Variants in ANO10 observed in about 807,000 individuals in gnomAD.
ANO10 encodes the protein anoctamin-10.
Under a neutral mutation model 74.7 loss-of-function variants are expected in ANO10, and 77 were observed. That is an observed-to-expected ratio of 1.03 (90% CI 0.86 to 1.25). ANO10 has a LOEUF of 1.25. Ranked by LOEUF, ANO10 falls within the 50% of genes most tolerant of loss-of-function variation. The pLI is 0.00. For missense variants in ANO10, 721 were observed against 778.1 expected (o/e 0.93, Z 0.87); for synonymous variants, 279 against 284.9 (o/e 0.98, Z 0.21).
At chr3:43,417,879 A>G (rs1410867368) in intron 12 of ANO10, among the ~76,000 whole-genome samples, 19 of 152,214 alleles carry the variant, frequency 1.2e-4, no homozygotes, top group Admixed American at 1.0e-3. Flanking sequence ...CTCTAAGCTT[A>G]TAGTCTATGG....
At chr3:43,516,045 C>A (rs1041751334) in intron 11 of ANO10, among the ~76,000 whole-genome samples, 2 of 152,146 alleles carry the variant, frequency 1.3e-5, no homozygotes, top group African/African-American at 4.8e-5. Flanking sequence ...TAGATCACGA[C>A]CTTACATTAG....
intron 11 of ANO10, among the ~76,000 whole-genome samples, chr3:43,476,318 T>C (rs2076064225): frequency 6.6e-6 from 1 of 152,252 alleles, no homozygotes; most frequent in South Asian, 2.1e-4. Flanking sequence ...GTGATATCCA[T>C]GTACCCATTC....
At chr3:43,629,350 A>T (rs1009649643) in intron 1 of ANO10, among the ~76,000 whole-genome samples, 1 of 152,208 alleles carries the variant, frequency 6.6e-6, no homozygotes, top group Admixed American at 6.5e-5. Flanking sequence ...ATTTTATTAC[A>T]TGCCTTTTCA....
At chr3:43,453,961 T>A (rs1163735006) in intron 11 of ANO10, among the ~76,000 whole-genome samples, 2 of 152,222 alleles carry the variant, frequency 1.3e-5, no homozygotes, top group African/African-American at 4.8e-5. Context: ...GGAGCTTACC[T>A]TTTTAGAGAA....
chr3:43,601,717 T>G (rs191703946), intron 2 of ANO10, among the ~76,000 whole-genome samples: 1 of 152,226 alleles, frequency 6.6e-6, no homozygotes, highest in African/African-American at 2.4e-5. Flanking sequence ...AAAATACCAA[T>G]GGCTCTTAAA....
At chr3:43,508,724 C>T (rs1440068474) in intron 11 of ANO10, among the ~76,000 whole-genome samples, 1 of 150,336 alleles carries the variant, frequency 6.7e-6, no homozygotes, top group Non-Finnish European at 1.5e-5. Context: ...TGTTCTCACT[C>T]ATACGTGGGA....
At chr3:43,688,506 G>T (rs900597754) in intron 1 of ANO10, among the ~76,000 whole-genome samples, 3 of 152,118 alleles carry the variant, frequency 2.0e-5, no homozygotes, top group Admixed American at 2.0e-4. Flanking sequence ...TTTATCTATT[G>T]TTCCTTGTAT....
intron 11 of ANO10, among the ~76,000 whole-genome samples, chr3:43,475,629 T>G (rs1170489403): frequency 6.6e-6 from 1 of 152,154 alleles, no homozygotes; most frequent in Non-Finnish European, 1.5e-5. Context: ...GATGAAGTCT[T>G]GCTGTGTTGC....
At chr3:43,466,618 T>A (rs2149042254) in intron 11 of ANO10, among the ~76,000 whole-genome samples, 1 of 152,172 alleles carries the variant, frequency 6.6e-6, no homozygotes, top group Admixed American at 6.5e-5. Context: ...AAAAATTAAC[T>A]TGAAATGGAT....
At chr3:43,661,658 T>G (rs2083928027) in intron 1 of ANO10, among the ~76,000 whole-genome samples, 1 of 151,954 alleles carries the variant, frequency 6.6e-6, no homozygotes, top group African/African-American at 2.4e-5. Flanking sequence ...ATTTAGGAGA[T>G]CCATTTCACA....
intron 4 of ANO10, among the ~76,000 whole-genome samples, chr3:43,591,423 G>A (rs1046668914): frequency 1.3e-5 from 2 of 152,090 alleles, no homozygotes; most frequent in African/African-American, 4.8e-5. Flanking sequence ...TTATAATAGA[G>A]CTATAACACT....
chr3:43,680,690 G>A (rs545140872), intron 1 of ANO10, among the ~76,000 whole-genome samples: 4 of 152,252 alleles, frequency 2.6e-5, no homozygotes, highest in East Asian at 1.9e-4. Flanking sequence ...GAGAAAGGTC[G>A]GGTTACCCAC....
intron 11 of ANO10, chr3:43,484,965 C>A: frequency 7.7e-7 from 1 of 1,306,824 alleles, no homozygotes; most frequent in Non-Finnish European, 1.1e-6. Context: ...AGGCAAGGGC[C>A]CTGCACCTAG....
chr3:43,385,650 TAACTC>T (rs1212697875), intron 12 of ANO10, among the ~76,000 whole-genome samples: 4 of 149,628 alleles, frequency 2.7e-5, no homozygotes, highest in Non-Finnish European at 5.9e-5. Context: ...TTAAGTAAGG[TAACTC>T]AGGAATGGAA....
chr3:43,541,720 T>G (rs1254212431), intron 11 of ANO10, among the ~76,000 whole-genome samples: 1 of 152,240 alleles, frequency 6.6e-6, no homozygotes, highest in Non-Finnish European at 1.5e-5. Flanking sequence ...ACTGAGTTAC[T>G]TTATGAAGCT....
At chr3:43,419,252 C>T (rs2092785825) in intron 12 of ANO10, among the ~76,000 whole-genome samples, 1 of 152,200 alleles carries the variant, frequency 6.6e-6, no homozygotes, top group African/African-American at 2.4e-5. Flanking sequence ...GTCATTTCTA[C>T]AGTATTCTAC....
upstream of ANO10, among the ~76,000 whole-genome samples, chr3:43,623,108 C>T (rs1453154142): frequency 2.0e-5 from 3 of 152,106 alleles, no homozygotes; most frequent in African/African-American, 7.2e-5. Context: ...TCAGGTGATC[C>T]GCCTGCCTCG....
chr3:43,634,504 G>A (rs981107938), intron 1 of ANO10, among the ~76,000 whole-genome samples: 4 of 152,066 alleles, frequency 2.6e-5, no homozygotes, highest in Non-Finnish European at 4.4e-5. Context: ...GATTGTTGGG[G>A]TGGTGGTATG....
intron 8 of ANO10, among the ~76,000 whole-genome samples, chr3:43,562,610 G>A (rs1030703266): frequency 3.3e-5 from 5 of 151,880 alleles, no homozygotes; most frequent in Non-Finnish European, 7.4e-5. Flanking sequence ...GAACCTAGGA[G>A]GTAGAGGCTG....
Sources: gnomAD v4.1 joint callset for allele counts (sites outside exome capture counted in the v4.1 genomes callset) on GRCh38, gnomAD v4.1.1 for gene constraint, MANE v1.5 for transcripts, NCBI Gene and HGNC (gene_info 2026-07-23, HGNC 2026-07-21) for gene names.